The following XDH variants were observed in gnomAD, a reference collection of about 807,000 sequenced individuals.
XDH encodes the protein xanthine dehydrogenase/oxidase.
A neutral mutation model predicts 156.1 loss-of-function variants in XDH; 138 were observed. That is an observed-to-expected ratio of 0.88 (90% CI 0.77 to 1.02). XDH has a LOEUF of 1.02. XDH is among the 50% of genes least tolerant of loss of function. XDH has a pLI of 0.00. For missense variants in XDH, 1,849 were observed against 1,684.9 expected (o/e 1.10, Z -1.71); for synonymous variants, 669 against 625.7 (o/e 1.07, Z -1.03).
chr2:31,352,594 C>T (rs2148758372), intron 24 of XDH, among the ~76,000 whole-genome samples: 1 of 152,318 alleles, frequency 6.6e-6, no homozygotes, highest in South Asian at 2.1e-4. Flanking sequence ...CATAGCCTTC[C>T]TTATGTAGCC....
chr2:31,375,607 T>G (rs1046477264), intron 14 of XDH, 53 bp from the exon 15 acceptor site: 4 of 1,591,176 alleles, frequency 2.5e-6, no homozygotes, highest in Non-Finnish European at 3.4e-6. Context: ...TCCAGACCCC[T>G]TTGTGTAGAG....
chr2:31,410,393 A>C (rs1687309213), intron 1 of XDH, among the ~76,000 whole-genome samples: 1 of 152,234 alleles, frequency 6.6e-6, no homozygotes, highest in African/African-American at 2.4e-5. Flanking sequence ...ATTTTACCAC[A>C]ATAAAAATTA....
At position 31,370,497 on chromosome 2, in the gene XDH, T is replaced by A. The variant is rs1324454239; in HGVS notation, c.1857-19A>T. Reference sequence around the variant, plus strand: ...TATGGACCTGCAAGAATGAGTGGTGTGAGGGGCCAGGTCAGCAAGCTGGAG... The same window carrying A: ...TATGGACCTGCAAGAATGAGTGGTGAGAGGGGCCAGGTCAGCAAGCTGGAG... On this transcript the variant is annotated intron_variant, in intron 17 of 35. Transcript: ENST00000379416. 2 of 1,614,030 alleles carry A rather than the reference T, an allele frequency of 1.2e-6. No homozygotes were observed. The highest frequency in any genetic ancestry group is 1.7e-6 in the Non-Finnish European group (2 of 1,179,940).
chr2:31,405,938 C>CTCTGGATCTGCATT lies in XDH; in HGVS notation c.55_68dup (p.Thr24MetfsTer12). 6.2e-7 allele frequency: 1 copy of CTCTGGATCTGCATT among 1,614,160 alleles called. No individual in the cohort carries two copies. Among genetic ancestry groups the CTCTGGATCTGCATT allele is most frequent in the Non-Finnish European group, 8.5e-7 (1 of 1,180,016 alleles). On this transcript the variant is annotated frameshift_variant, in exon 2 of 36. Transcript: ENST00000379416. LOFTEE classifies it high-confidence loss of function. ...TTCTCAGGTAGGCCAAAAGGGTTGT[C>CTCTGGATCTGCATT]TCTGGATCTGCATTTTTCTCCACCA...
intron 31 of XDH, among the ~76,000 whole-genome samples, chr2:31,343,133 T>C (rs1341587151): frequency 6.6e-6 from 1 of 151,894 alleles, no homozygotes; most frequent in Non-Finnish European, 1.5e-5. Context: ...TCCTTTGACC[T>C]CTGCTTTCAC....
intron 2 of XDH, among the ~76,000 whole-genome samples, chr2:31,404,178 C>T (rs1477867681): frequency 6.6e-6 from 1 of 152,146 alleles, no homozygotes; most frequent in East Asian, 1.9e-4. Flanking sequence ...TCACAGCCAT[C>T]GGACTCCAGA....
chr2:31,385,751 G>A (rs547306535), intron 9 of XDH, among the ~76,000 whole-genome samples: 232 of 152,294 alleles, frequency 1.5e-3, no homozygotes, highest in African/African-American at 5.3e-3. Context: ...CAGGCCTCAC[G>A]TCCTAGGTGG....
Position 31,411,708 on chromosome 2 carries a change from C to A in XDH, c.42+2917G>T, listed in dbSNP as rs45613438. ...AGTTGGACACCTACTGTATACCATGCACTGTGCTAAGTGGTTTAAGAATAT... is the reference window on the plus strand; with the variant it reads ...AGTTGGACACCTACTGTATACCATGAACTGTGCTAAGTGGTTTAAGAATAT... On this transcript the variant is annotated intron_variant, in intron 1 of 35. Coordinates refer to ENST00000379416, the MANE Select transcript of XDH (RefSeq NM_000379.4). Among the ~76,000 whole-genome samples the A allele has an allele frequency of 3.3e-5, 5 of 152,354 alleles. No individual in the cohort carries two copies. In the East Asian group the frequency reaches 9.6e-4, roughly 29 times the overall value.
chr2:31,335,580 TCTAGA>T lies in XDH; in HGVS notation c.*373_*377del, dbSNP rs1165432088. 2 of 344,276 alleles carry T rather than the reference TCTAGA, an allele frequency of 5.8e-6. No individual in the cohort carries two copies. Among genetic ancestry groups the T allele is most frequent in the Non-Finnish European group, 1.1e-5 (2 of 181,138 alleles). The allele number at this position is 344,276 out of a possible 1,614,324, so 21.3% of individuals were successfully genotyped here. On this transcript the variant is annotated 3_prime_UTR_variant, in exon 36 of 36. Coordinates refer to ENST00000379416, the MANE Select transcript of XDH (RefSeq NM_000379.4). ...ATTTAAAGTAACTTCGGTTTAAGCT[TCTAGA>T]GGTTTGTGGGAATCCTCTTCAAAGG...
chr2:31,382,977 C>A, intron 11 of XDH, 24 bp downstream of exon 11: 3 of 1,614,032 alleles, frequency 1.9e-6, no homozygotes, highest in Non-Finnish European at 2.5e-6. Flanking sequence ...CTACGGGCCT[C>A]GCTTGCTTCT....
chr2:31,381,781 C>T lies in XDH; in HGVS notation c.1039-55G>A, dbSNP rs1369718565. The T allele has an allele frequency of 7.3e-6, 11 of 1,505,340 alleles. No homozygotes were observed. In the East Asian group the frequency reaches 1.2e-4, roughly 16 times the overall value. 93.2% of individuals were successfully genotyped at this position (1,505,340 alleles called of 1,614,324 possible). A position where few individuals can be genotyped will look rare whatever the true frequency, so the allele number is the denominator to read the frequency against. ...GCCCACCCCAGGAAACCCCTGCTCA[C>T]GTAGCAGGCTCCTGAACATACCAGC... On this transcript the variant is annotated intron_variant, in intron 11 of 35. Transcript: ENST00000379416.
intron 1 of XDH, among the ~76,000 whole-genome samples, chr2:31,409,321 T>G (rs979616601): frequency 2.6e-5 from 4 of 152,222 alleles, no homozygotes; most frequent in Non-Finnish European, 5.9e-5. Flanking sequence ...AAAGGATAAA[T>G]GCTTGAGGAG....
Position 31,337,909 on chromosome 2 carries a change from T to G in XDH, c.3775-92A>C, listed in dbSNP as rs1012571143. The stretch of plus-strand genomic sequence containing the variant: ...ACCTAGGAGGCCAGGCAGCAAACTC[T>G]GCACGAGGAGGGCTGGTGGCACCAG... On this transcript the variant is annotated intron_variant, in intron 34 of 35. Transcript: ENST00000379416. 1.3e-5 allele frequency: 18 copies of G among 1,424,580 alleles called. No individual in the cohort carries two copies. In the South Asian group the frequency reaches 2.2e-4, roughly 18 times the overall value. The allele number at this position is 1,424,580 out of a possible 1,614,324, so 88.2% of individuals were successfully genotyped here.
At chr2:31,379,417 C>G (rs778733319) in intron 13 of XDH, among the ~76,000 whole-genome samples, 13 of 152,202 alleles carry the variant, frequency 8.5e-5, no homozygotes, top group Non-Finnish European at 1.9e-4. Flanking sequence ...CAAATTTCCT[C>G]TGACATGGGC....
chr2:31,360,647 C>T (rs942208900), intron 24 of XDH, among the ~76,000 whole-genome samples: 5 of 152,318 alleles, frequency 3.3e-5, no homozygotes, highest in African/African-American at 9.6e-5. Context: ...CGCTTAGTCC[C>T]GCCTTGGTTG....
intron 24 of XDH, among the ~76,000 whole-genome samples, chr2:31,357,657 T>C (rs1685660789): frequency 6.6e-6 from 1 of 151,824 alleles, no homozygotes; most frequent in South Asian, 2.1e-4. Context: ...ACTATAATAT[T>C]TTTAAATATA....
At position 31,339,724 on chromosome 2, in the gene XDH, G is replaced by A. The variant is rs140803452; in HGVS notation, c.3586-47C>T. The A allele has an allele frequency of 1.1e-4, 179 of 1,604,982 alleles. No individual in the cohort carries two copies. The African/African-American group carries it at 2.1e-3, about 19-fold the overall frequency. On this transcript the variant is annotated intron_variant, in intron 33 of 35. Transcript: ENST00000379416. ...CAGTTAGCCTGCCACCTTCTTCCCT[G>A]AGGACAGATACCACTTGCCACAATG...
At chr2:31,403,502 G>A (rs972458297) in intron 2 of XDH, among the ~76,000 whole-genome samples, 12 of 152,068 alleles carry the variant, frequency 7.9e-5, no homozygotes, top group South Asian at 4.2e-4. Context: ...CTGAGCATAC[G>A]GGGCAGTTCT....
rs1178340221 is a variant in XDH at position 31,377,112 on chromosome 2, A to G, written c.1368T>C (p.Tyr456=). 1.2e-6 allele frequency: 2 copies of G among 1,614,046 alleles called. No individual in the cohort carries two copies. Among genetic ancestry groups the G allele is most frequent in the African/African-American group, 1.3e-5 (1 of 74,912 alleles). Reference sequence around the variant, plus strand: ...AGATGGTTCTGTTGGCCATTCCACCATAGCAAAGGGCCAGCTCCTGTACCT... The same window carrying G: ...AGATGGTTCTGTTGGCCATTCCACCGTAGCAAAGGGCCAGCTCCTGTACCT... ...TTEVQELALC[Y]GGMANRTISA... The change falls in exon 14 of 36, where the codon TAT becomes TAC. Residue 456 remains tyrosine, a synonymous_variant. Transcript: ENST00000379416.
Sources: gnomAD v4.1 joint callset for allele counts (sites outside exome capture counted in the v4.1 genomes callset) on GRCh38, gnomAD v4.1.1 for gene constraint, MANE v1.5 for transcripts, NCBI Gene and HGNC (gene_info 2026-07-23, HGNC 2026-07-21) for gene names.